Variants in FRMPD4 observed in about 807,000 individuals in gnomAD.
FRMPD4 encodes the protein FERM and PDZ domain-containing protein 4.
FRMPD4 carries 22 observed loss-of-function variants against 94.1 expected under a neutral mutation model. The observed-to-expected ratio is 0.23, with a 90% CI of 0.17 to 0.33. FRMPD4 has a LOEUF of 0.33. FRMPD4 is among the 10% of genes least tolerant of loss of function. FRMPD4 has a pLI of 1.00. For missense variants in FRMPD4, 1,111 were observed against 1,339.9 expected, an observed-to-expected ratio of 0.83 and a Z score of 2.67; for synonymous variants, 631 against 548.6, an observed-to-expected ratio of 1.15 and a Z score of -2.10.
Position 11,862,689 on chromosome X carries a change from C to T in FRMPD4, c.-160-2397C>T, listed in dbSNP as rs181558969. 2.1e-4 allele frequency among the ~76,000 whole-genome samples: 23 copies of T among 110,903 alleles called. No individual in the cohort carries two copies. In the South Asian group the frequency reaches 5.4e-3, roughly 26 times the overall value. On this transcript the variant is annotated intron_variant, in intron 1 of 18. Coordinates refer to the FRMPD4 transcript ENST00000640291. The stretch of plus-strand genomic sequence containing the variant: ...ACCCCTTCCTTGGCTGAGCTTGGCT[C>T]AGGAACTCCCTGACAGTTTTGCTGA...
At chrX:12,658,838 G>A (rs1411201212) in intron 4 of FRMPD4, among the ~76,000 whole-genome samples, 2 of 112,252 alleles carry the variant, frequency 1.8e-5, no homozygotes, top group East Asian at 5.6e-4. Flanking sequence ...CCTACTGCCT[G>A]CATTGCTGCC....
chrX:12,082,720 T>C (rs2055072015), intron 3 of FRMPD4, among the ~76,000 whole-genome samples: 1 of 111,309 alleles, frequency 9.0e-6, no homozygotes, highest in African/African-American at 3.3e-5. Context: ...AACAATAAGG[T>C]CCAGGATGAG....
rs755292805 is a variant in FRMPD4, at chrX:12,313,465, C to G, written c.41+174453C>G. 2.7e-5 allele frequency among the ~76,000 whole-genome samples: 3 copies of G among 112,550 alleles called. No homozygotes were observed. In the South Asian group the frequency reaches 1.1e-3, roughly 42 times the overall value. On this transcript the variant is annotated intron_variant, in intron 1 of 16. Transcript: ENST00000675598. The stretch of plus-strand genomic sequence containing the variant: ...AAAAGTGGCTAATTGATGAGGCTAG[C>G]TCTCAAGGAGATGAGATCTGGAAAG...
Position 11,993,392 on chromosome X carries a change from G to A in FRMPD4, c.95+115374G>A, listed in dbSNP as rs147572227. The stretch of plus-strand genomic sequence containing the variant: ...GTGGTGGAGGGCTATCCTACACATT[G>A]TGTGACGCCTAACAGTGACCCTAGC... On this transcript the variant is annotated intron_variant, in intron 3 of 18. Transcript: ENST00000640291. Among the ~76,000 whole-genome samples, 30 of 111,320 alleles carry A rather than the reference G, an allele frequency of 2.7e-4. No homozygotes were observed. In the East Asian group the frequency reaches 8.0e-3, roughly 30 times the overall value.
chrX:12,683,566 C>A lies in FRMPD4; in HGVS notation c.552C>A (p.Val184=), dbSNP rs984119176. ...TCAAAGTACGCTTCTCTGAGGAGGT[C>A]ATCATCAACGGCCAAGTGTCGGTGA... The part of the protein sequence containing the change: ...NPVKVRFSEE[V]IINGQVSETV... The change falls in exon 6 of 17, where the codon GTC becomes GTA. Residue 184 remains valine (V), a synonymous_variant. Transcript: ENST00000675598. 3 of 1,154,771 alleles carry A rather than the reference C, an allele frequency of 2.6e-6. No homozygotes were observed. Among genetic ancestry groups the A allele is most frequent in the African/African-American group, 3.6e-5 (2 of 56,086 alleles).
chrX:12,427,107 T>A (rs1262863254), intron 1 of FRMPD4, among the ~76,000 whole-genome samples: 1 of 112,130 alleles, frequency 8.9e-6, no homozygotes, highest in Non-Finnish European at 1.9e-5. Flanking sequence ...ATCGTTATGA[T>A]GTATATACAT....
intron 2 of FRMPD4, among the ~76,000 whole-genome samples, chrX:12,580,899 GCTA>G (rs2148377111): frequency 8.9e-6 from 1 of 112,283 alleles, no homozygotes; most frequent in Admixed American, 9.4e-5. Context: ...ATTTCATTAG[GCTA>G]CTAAGAATGG....
At chrX:12,091,050 C>A (rs1366620113) in intron 3 of FRMPD4, among the ~76,000 whole-genome samples, 1 of 112,099 alleles carries the variant, frequency 8.9e-6, no homozygotes, top group East Asian at 2.8e-4. Context: ...TTTTGCTGAA[C>A]AAGTACCTAC....
chrX:12,533,277 G>A lies in FRMPD4; in HGVS notation c.158+34481G>A, dbSNP rs2058303916. Among the ~76,000 whole-genome samples, 5 of 112,344 alleles carry A rather than the reference G, an allele frequency of 4.5e-5. No homozygotes were observed. In the Admixed American group the frequency reaches 4.7e-4, roughly 11 times the overall value. ...GCCTTTCAGCTTCCAGCGTGATCAT[G>A]AGGCCTCCGCAACCACGTGGAGCTA... is the stretch of plus-strand genomic sequence containing the variant. On this transcript the variant is annotated intron_variant, in intron 2 of 16. Coordinates refer to ENST00000675598, the MANE Select transcript of FRMPD4 (RefSeq NM_001368397.1).
intron 1 of FRMPD4, among the ~76,000 whole-genome samples, chrX:12,334,605 T>C (rs1399830020): frequency 9.5e-6 from 1 of 104,958 alleles, no homozygotes; most frequent in East Asian, 2.8e-4. Flanking sequence ...ACCCTCTTCA[T>C]TGGTGAAAAA....
intron 1 of FRMPD4, among the ~76,000 whole-genome samples, chrX:12,496,298 C>G (rs1361551097): frequency 8.9e-6 from 1 of 111,971 alleles, no homozygotes; most frequent in Non-Finnish European, 1.9e-5. Flanking sequence ...TTGGCTAAAT[C>G]TGGCAACCCT....
intron 3 of FRMPD4, among the ~76,000 whole-genome samples, chrX:12,111,593 T>G (rs1472299981): frequency 9.0e-6 from 1 of 111,257 alleles, no homozygotes; most frequent in Non-Finnish European, 1.9e-5. Context: ...ACTAAAGAGC[T>G]TCTGCACAGC....
At chrX:12,556,839 G>C (rs760001697) in intron 2 of FRMPD4, among the ~76,000 whole-genome samples, 1 of 78,276 alleles carries the variant, frequency 1.3e-5, no homozygotes, top group South Asian at 6.3e-4. Context: ...ATAAGAGAAA[G>C]GGTATACAAG....
chrX:11,949,364 T>C (rs2054207831), intron 3 of FRMPD4, among the ~76,000 whole-genome samples: 1 of 112,120 alleles, frequency 8.9e-6, no homozygotes, highest in Non-Finnish European at 1.9e-5. Flanking sequence ...CAAGGATTCC[T>C]ATTTTGAGAG....
At chrX:12,157,624 C>T (rs1255241071) in intron 1 of FRMPD4, among the ~76,000 whole-genome samples, 4 of 112,088 alleles carry the variant, frequency 3.6e-5, no homozygotes, top group African/African-American at 1.3e-4. Flanking sequence ...GTGAAAGGAG[C>T]GTTTGGGGTT....
intron 1 of FRMPD4, among the ~76,000 whole-genome samples, chrX:12,141,357 A>G (rs1045987052): frequency 1.8e-5 from 2 of 112,093 alleles, no homozygotes; most frequent in Admixed American, 1.9e-4. Flanking sequence ...ATGTTAATTC[A>G]GAAGGCATAT....
Position 12,481,287 on chromosome X carries a change from G to A in FRMPD4, c.42-17393G>A, listed in dbSNP as rs182142273. Among the ~76,000 whole-genome samples the A allele has an allele frequency of 2.8e-3, 312 of 111,264 alleles. 1 individual carries two copies. Among genetic ancestry groups the A allele is most frequent in the African/African-American group, 9.5e-3 (290 of 30,584 alleles). On this transcript the variant is annotated intron_variant, in intron 1 of 16. Coordinates refer to ENST00000675598, the MANE Select transcript of FRMPD4 (RefSeq NM_001368397.1). ...CCCACTCTCCCACCTAGGCCCCCAC[G>A]CCTGCCTTTAGCTTTTCCCCTCCTA...
intron 3 of FRMPD4, among the ~76,000 whole-genome samples, chrX:11,997,279 A>C (rs1053788086): frequency 1.5e-4 from 17 of 111,478 alleles, no homozygotes; most frequent in African/African-American, 5.2e-4. Context: ...GATGTTGGTT[A>C]GGAGGCTGCT....
At chrX:12,370,428 C>T (rs2056147568) in intron 1 of FRMPD4, among the ~76,000 whole-genome samples, 1 of 112,568 alleles carries the variant, frequency 8.9e-6, no homozygotes, top group Non-Finnish European at 1.9e-5. Flanking sequence ...ACCCAGGAGG[C>T]TCACGTCATT....
Sources: gnomAD v4.1 joint callset for allele counts (sites outside exome capture counted in the v4.1 genomes callset) on GRCh38, gnomAD v4.1.1 for gene constraint, MANE v1.5 for transcripts, NCBI Gene and HGNC (gene_info 2026-07-23, HGNC 2026-07-21) for gene names.